Variants in MAP1B observed in about 807,000 individuals in gnomAD.
MAP1B encodes the protein microtubule associated protein 1B.
In MAP1B, 12 loss-of-function variants were observed where a neutral mutation model predicts 176.1. The ratio of observed to expected loss-of-function variants is 0.07; its 90% CI spans 0.04 to 0.11. The LOEUF (loss-of-function observed/expected upper bound fraction) is 0.11. Among genes scored for constraint, MAP1B ranks in the 10% least tolerant of loss-of-function variants. MAP1B has a pLI of 1.00. For synonymous variants in MAP1B, 1,044 were observed against 1,135.0 expected, an observed-to-expected ratio of 0.92 and a Z score of 1.61; for missense variants, 2,523 against 2,990.5, an observed-to-expected ratio of 0.84 and a Z score of 3.65.
At chr5:72,179,310 T>G (rs1427964983) in intron 2 of MAP1B, among the ~76,000 whole-genome samples, 1 of 152,186 alleles carries the variant, frequency 6.6e-6, no homozygotes, top group African/African-American at 2.4e-5. Flanking sequence ...TTCATGGGGC[T>G]GCCTAAGGGT....
intron 2 of MAP1B, among the ~76,000 whole-genome samples, chr5:72,163,999 T>C: frequency 7.9e-6 from 1 of 126,820 alleles, no homozygotes; most frequent in African/African-American, 3.0e-5. Context: ...AGTGGCACAA[T>C]CAGGGCTAAC....
At chr5:72,177,561 A>G (rs1746675292) in intron 2 of MAP1B, among the ~76,000 whole-genome samples, 1 of 152,126 alleles carries the variant, frequency 6.6e-6, no homozygotes, top group Non-Finnish European at 1.5e-5. Flanking sequence ...GTTCACTACA[A>G]AACTCTGCTG....
At chr5:72,177,929 CCTCT>C (rs1262619627) in intron 2 of MAP1B, among the ~76,000 whole-genome samples, 1 of 152,042 alleles carries the variant, frequency 6.6e-6, no homozygotes, top group Non-Finnish European at 1.5e-5. Context: ...TCCCTTCCTC[CCTCT>C]CTTTTTTCCT....
intron 2 of MAP1B, among the ~76,000 whole-genome samples, chr5:72,169,239 CACAA>C (rs1228310291): frequency 6.6e-6 from 1 of 152,196 alleles, no homozygotes; most frequent in African/African-American, 2.4e-5. Context: ...AAACCAAACA[CACAA>C]ACAACTCCTG....
At chr5:72,119,990 G>A (rs535246700) in intron 2 of MAP1B, among the ~76,000 whole-genome samples, 4 of 152,160 alleles carry the variant, frequency 2.6e-5, no homozygotes, top group African/African-American at 7.2e-5. Context: ...TTCATTTTCC[G>A]TTGCCATTTG....
chr5:72,155,766 C>CT (rs11330287), intron 2 of MAP1B, among the ~76,000 whole-genome samples: 3,142 of 126,528 alleles, frequency 0.025, 88 homozygotes, highest in African/African-American at 0.058. Context: ...ATTTTCTTTT[C>CT]TTTTTTTTTT....
chr5:72,108,295 C>T (rs1035611254), intron 1 of MAP1B, among the ~76,000 whole-genome samples: 4 of 152,266 alleles, frequency 2.6e-5, no homozygotes, highest in Non-Finnish European at 4.4e-5. Context: ...CCCCCGCCCC[C>T]CCCTCCCCGG....
At chr5:72,124,821 G>A (rs1179344560) in intron 2 of MAP1B, among the ~76,000 whole-genome samples, 1 of 152,218 alleles carries the variant, frequency 6.6e-6, no homozygotes, top group African/African-American at 2.4e-5. Context: ...GGAAGGAACA[G>A]CTATTCCCCT....
intron 1 of MAP1B, among the ~76,000 whole-genome samples, chr5:72,115,144 C>G (rs1257045971): frequency 6.6e-6 from 1 of 152,066 alleles, no homozygotes; most frequent in Non-Finnish European, 1.5e-5. Context: ...GATTGATATC[C>G]AGGGCTCGAT....
chr5:72,116,443 A>G (rs1340419343), intron 2 of MAP1B: 2 of 420,606 alleles, frequency 4.8e-6, no homozygotes, highest in African/African-American at 4.2e-5. Context: ...AATATCAAAG[A>G]ATAATTAAAG....
At position 72,200,042 on chromosome 5, in the gene MAP1B, G is replaced by A. The variant is rs140535526; in HGVS notation, c.6687G>A (p.Gln2229=). The A allele has an allele frequency of 1.0e-4, 166 of 1,614,102 alleles. No homozygotes were observed. The highest frequency in any genetic ancestry group is 1.6e-4 in the Middle Eastern group (1 of 6,084). ...ACCCAGAGGCCTTGGCCATTGAGCA[G>A]AACCTGGGCAAAGCTCTAAAGAAAG... ...MVDPEALAIE[Q]NLGKALKKDL... is the part of the protein sequence containing the mutation. Residue 2229 remains glutamine, a synonymous_variant, in exon 5 of 7, where the codon CAG becomes CAA. Coordinates refer to ENST00000296755, the MANE Select transcript of MAP1B (RefSeq NM_005909.5).
chr5:72,134,287 C>G (rs980921605), intron 2 of MAP1B, among the ~76,000 whole-genome samples: 2 of 152,150 alleles, frequency 1.3e-5, no homozygotes, highest in Non-Finnish European at 2.9e-5. Context: ...TTAGTATTGT[C>G]GCAGCAAGAC....
At position 72,194,822 on chromosome 5, in the gene MAP1B, T is replaced by G. The variant is rs1197298449; in HGVS notation, c.1467T>G (p.Phe489Leu). 1 of 1,614,208 alleles carries G rather than the reference T, an allele frequency of 6.2e-7. No homozygotes were observed. The highest frequency in any genetic ancestry group is 8.5e-7 in the Non-Finnish European group (1 of 1,180,030). The change falls in exon 5 of 7, where the codon TTT becomes TTG. Residue 489 changes from phenylalanine to leucine, a missense_variant. By Grantham distance (22) the Phe-to-Leu change is conservative. Transcript: ENST00000296755. This position sits in a 1 kb window ranked among gnomAD's most constrained non-coding sequence, Gnocchi z 7.2. ...CGGAGAAAATCATCCGAGTCCTGTT[T>G]CCTGGGAACAGCACCCAGTACAACA... ...NPAEKIIRVLFPGNSTQYNIL... is the reference protein window; with the variant it reads ...NPAEKIIRVLLPGNSTQYNIL...
At chr5:72,118,425 A>G (rs1350561587) in intron 2 of MAP1B, among the ~76,000 whole-genome samples, 1 of 152,218 alleles carries the variant, frequency 6.6e-6, no homozygotes, top group Non-Finnish European at 1.5e-5. Flanking sequence ...AATAGCACCT[A>G]CAATATACCA....
chr5:72,131,592 A>G (rs1561293963), intron 2 of MAP1B, among the ~76,000 whole-genome samples: 3 of 152,262 alleles, frequency 2.0e-5, no homozygotes, highest in Non-Finnish European at 4.4e-5. Context: ...TTGGCCTCTT[A>G]AAAACATGGG....
intron 1 of MAP1B, among the ~76,000 whole-genome samples, chr5:72,114,860 A>C (rs1166714484): frequency 6.6e-6 from 1 of 152,170 alleles, no homozygotes; most frequent in East Asian, 1.9e-4. Flanking sequence ...CTTTCAGCCT[A>C]GGGAAAGGAA....
At chr5:72,150,652 C>T (rs1746123678) in intron 2 of MAP1B, among the ~76,000 whole-genome samples, 1 of 152,178 alleles carries the variant, frequency 6.6e-6, no homozygotes, top group Non-Finnish European at 1.5e-5. Flanking sequence ...TGCCTCCTCC[C>T]ACCCTCCACC....
At chr5:72,109,235 TAA>T (rs70999261) in intron 1 of MAP1B, among the ~76,000 whole-genome samples, 1 of 139,116 alleles carries the variant, frequency 7.2e-6, no homozygotes, top group Non-Finnish European at 1.6e-5. Context: ...CCTTTTAGCT[TAA>T]AAAAAAAAAA....
intron 2 of MAP1B, among the ~76,000 whole-genome samples, chr5:72,120,460 T>A (rs1745507356): frequency 6.6e-6 from 1 of 151,346 alleles, no homozygotes; most frequent in South Asian, 2.1e-4. Flanking sequence ...AGTCTTGCTC[T>A]GTTGCCCAGG....
Sources: gnomAD v4.1 joint callset for allele counts (sites outside exome capture counted in the v4.1 genomes callset) on GRCh38, gnomAD v4.1.1 for gene constraint, Gnocchi (gnomAD v3.1) non-coding constraint, MANE v1.5 for transcripts, NCBI Gene and HGNC (gene_info 2026-07-23, HGNC 2026-07-21) for gene names.